ARMH4: variants seen among roughly 807,000 people sequenced by gnomAD.
The protein encoded by ARMH4 is armadillo like helical domain containing 4.
In ARMH4, 49 loss-of-function variants were observed where a neutral mutation model predicts 61.9. The observed-to-expected ratio is 0.79, with a 90% CI of 0.63 to 1.00. ARMH4 has a LOEUF of 1.00. ARMH4 is among the 50% of genes least tolerant of loss of function. The pLI is 0.00. For synonymous variants in ARMH4, 368 were observed against 341.5 expected, an observed-to-expected ratio of 1.08 and a Z score of -0.85; for missense variants, 934 against 930.0, an observed-to-expected ratio of 1.00 and a Z score of -0.06.
At chr14:58,004,900 C>T (rs1388281661) in intron 7 of ARMH4, 96 bp from the exon 8 acceptor site, 1 of 1,522,848 alleles carries the variant, frequency 6.6e-7, no homozygotes, top group Non-Finnish European at 9.1e-7. Context: ...CAAACGAAGC[C>T]AAGGCAGGAG....
In ARMH4 at chr14:58,032,720, T is replaced by C. The variant is rs533935405; in HGVS notation, c.2090-20570A>G. Among the ~76,000 whole-genome samples, 315 of 149,008 alleles carry C rather than the reference T, an allele frequency of 2.1e-3. 2 individuals are homozygous for C. Among genetic ancestry groups the C allele is most frequent in the Admixed American group, 3.3e-3 (49 of 14,976 alleles). ...GCACCGTGCGCGAGCCGAAGCAGGGTGAGGCATTGCCTCACCTGGGAAGCG... is the reference window on the plus strand; with the variant it reads ...GCACCGTGCGCGAGCCGAAGCAGGGCGAGGCATTGCCTCACCTGGGAAGCG... On this transcript the variant is annotated intron_variant, in intron 5 of 7. Transcript: ENST00000267485.
chr14:58,104,736 C>T (rs1382254495), intron 4 of ARMH4, among the ~76,000 whole-genome samples: 2 of 152,104 alleles, frequency 1.3e-5, no homozygotes, highest in African/African-American at 2.4e-5. Context: ...AGAAAACTAT[C>T]GAATAAAGGA....
intron 5 of ARMH4, among the ~76,000 whole-genome samples, chr14:58,032,711 G>A (rs994385470): frequency 1.4e-4 from 21 of 152,086 alleles, no homozygotes; most frequent in African/African-American, 2.2e-4. Context: ...TGCGCGAGCC[G>A]AAGCAGGGTG....
intron 4 of ARMH4, among the ~76,000 whole-genome samples, chr14:58,110,971 C>G (rs1167688264): frequency 6.6e-6 from 1 of 152,030 alleles, no homozygotes; most frequent in Non-Finnish European, 1.5e-5. Flanking sequence ...CCAGGCTGCT[C>G]TTGAGCTCCT....
intron 3 of ARMH4, among the ~76,000 whole-genome samples, chr14:58,132,581 CTTTTTTTT>C (rs71448942): frequency 7.0e-5 from 6 of 86,072 alleles, no homozygotes; most frequent in South Asian, 4.4e-4. Context: ...ACCCTTGTCC[CTTTTTTTT>C]TTTTTTTTTT....
In ARMH4 at chr14:58,137,973, C is replaced by T. The variant is rs367892858; in HGVS notation, c.1369+17G>A. 20 of 1,561,430 alleles carry T rather than the reference C, an allele frequency of 1.3e-5. No homozygotes were observed. The highest frequency in any genetic ancestry group is 8.0e-5 in the Admixed American group (4 of 49,698). On this transcript the variant is annotated intron_variant, in intron 2 of 7. Transcript: ENST00000267485. ...CCAAATTAAACCAAAGTTTGTTTTT[C>T]TTTTTCTTTCTTTTACCTTTCATTG...
chr14:58,045,530 G>A (rs910625231), intron 5 of ARMH4, among the ~76,000 whole-genome samples: 1 of 151,864 alleles, frequency 6.6e-6, no homozygotes, highest in African/African-American at 2.4e-5. Context: ...GTTAATGGGT[G>A]CGGCACACCA....
At chr14:58,146,116 C>G (rs889727094) in intron 1 of ARMH4, among the ~76,000 whole-genome samples, 1 of 152,196 alleles carries the variant, frequency 6.6e-6, no homozygotes, top group Admixed American at 6.5e-5. Context: ...CCTTTTTCCT[C>G]AACACTGTAT....
Position 58,099,921 on chromosome 14 carries a change from A to G in ARMH4, c.1832-2940T>C, listed in dbSNP as rs1885900029. ...CTCAACCTCCTCGTCTGTAAAACTG[A>G]TATTATTCCTACCTCACAAGGCTGT... is the stretch of plus-strand genomic sequence containing the variant. On this transcript the variant is annotated intron_variant, in intron 4 of 7. Transcript: ENST00000267485. 5.3e-5 allele frequency among the ~76,000 whole-genome samples: 8 copies of G among 152,182 alleles called. No individual in the cohort carries two copies. The South Asian group carries it at 1.7e-3, about 31-fold the overall frequency.
At chr14:58,047,635 T>C (rs2141194132) in intron 5 of ARMH4, among the ~76,000 whole-genome samples, 1 of 152,264 alleles carries the variant, frequency 6.6e-6, no homozygotes, top group East Asian at 1.9e-4. Context: ...GAGCCTGTGC[T>C]CTCCTCCTAG....
chr14:58,023,466 A>G (rs1882916258), intron 5 of ARMH4, among the ~76,000 whole-genome samples: 1 of 152,204 alleles, frequency 6.6e-6, no homozygotes, highest in African/African-American at 2.4e-5. Flanking sequence ...TTCAGGCTCC[A>G]TTTATAATTC....
At chr14:58,085,517 G>A (rs1885350958) in intron 5 of ARMH4, among the ~76,000 whole-genome samples, 1 of 152,090 alleles carries the variant, frequency 6.6e-6, no homozygotes, top group Non-Finnish European at 1.5e-5. Flanking sequence ...AGTGGATGAA[G>A]AGGTTATTTT....
At chr14:58,030,888 G>A (rs187648927) in intron 5 of ARMH4, among the ~76,000 whole-genome samples, 217 of 152,108 alleles carry the variant, frequency 1.4e-3, no homozygotes, top group Non-Finnish European at 2.4e-3. Flanking sequence ...ATGGACACTC[G>A]GGGTACCTCC....
intron 4 of ARMH4, among the ~76,000 whole-genome samples, chr14:58,123,513 A>G (rs1886797838): frequency 6.6e-6 from 1 of 152,112 alleles, no homozygotes; most frequent in African/African-American, 2.4e-5. Flanking sequence ...CAGACAGTGG[A>G]GGTTAGTGCA....
In ARMH4 at chr14:58,087,353, C is replaced by A. The variant is rs555854286; in HGVS notation, c.2089+9371G>T. Among the ~76,000 whole-genome samples, 63 of 152,256 alleles carry A rather than the reference C, an allele frequency of 4.1e-4. No individual in the cohort carries two copies. In the South Asian group the frequency reaches 0.01, roughly 25 times the overall value. On this transcript the variant is annotated intron_variant, in intron 5 of 7. Coordinates refer to ENST00000267485, the MANE Select transcript of ARMH4 (RefSeq NM_001001872.4). ...ATTTTAACAACCAAGGTTAATTTTTCTTCCTCAACATAGGAACATCCTCAG... is the reference window on the plus strand; with the variant it reads ...ATTTTAACAACCAAGGTTAATTTTTATTCCTCAACATAGGAACATCCTCAG...
intron 4 of ARMH4, among the ~76,000 whole-genome samples, chr14:58,099,743 G>A (rs1266911604): frequency 1.3e-5 from 2 of 152,096 alleles, no homozygotes; most frequent in Non-Finnish European, 2.9e-5. Context: ...TCATCGAAAG[G>A]GGCAATCAAT....
At chr14:58,099,672 G>C (rs1885889199) in intron 4 of ARMH4, among the ~76,000 whole-genome samples, 1 of 152,150 alleles carries the variant, frequency 6.6e-6, no homozygotes, top group African/African-American at 2.4e-5. Context: ...CAGGGTCAAG[G>C]GTAGGGTCTT....
At chr14:58,029,036 A>AC (rs528485010) in intron 5 of ARMH4, among the ~76,000 whole-genome samples, 6 of 151,594 alleles carry the variant, frequency 4.0e-5, no homozygotes, top group African/African-American at 7.3e-5. Flanking sequence ...TTTTATCAAC[A>AC]CCCCCCCTCC....
intron 5 of ARMH4, among the ~76,000 whole-genome samples, chr14:58,088,993 A>C (rs961396339): frequency 3.3e-5 from 5 of 152,150 alleles, no homozygotes; most frequent in African/African-American, 1.2e-4. Flanking sequence ...TAGGGGTAGC[A>C]TCCAGGTATC....
Sources: gnomAD v4.1 joint callset for allele counts (sites outside exome capture counted in the v4.1 genomes callset) on GRCh38, gnomAD v4.1.1 for gene constraint, MANE v1.5 for transcripts, NCBI Gene and HGNC (gene_info 2026-07-23, HGNC 2026-07-21) for gene names.